Variants in RUNDC3B observed in about 807,000 individuals in gnomAD.
RUNDC3B encodes the protein RUN domain-containing protein 3B.
Under a neutral mutation model 58.4 loss-of-function variants are expected in RUNDC3B, and 33 were observed. That is an observed-to-expected ratio of 0.56 (90% confidence interval 0.43 to 0.75). RUNDC3B has a LOEUF of 0.75. Among genes scored for constraint, RUNDC3B ranks in the 30% least tolerant of loss-of-function variants. The probability of loss-of-function intolerance (pLI) is 0.00; values close to 1 mark genes in which losing one functional copy is unlikely to be tolerated. For synonymous variants in RUNDC3B, 193 were observed against 195.2 expected (o/e 0.99, Z 0.10); for missense variants, 501 against 535.7 (o/e 0.94, Z 0.64).
intron 4 of RUNDC3B, among the ~76,000 whole-genome samples, chr7:87,713,568 G>C (rs895004793): frequency 2.6e-5 from 4 of 151,600 alleles, no homozygotes; most frequent in Non-Finnish European, 5.9e-5. Context: ...CATGGCTTAG[G>C]GATTGGGGTA....
chr7:87,665,401 T>C (rs182443607), intron 2 of RUNDC3B, among the ~76,000 whole-genome samples: 34 of 152,236 alleles, frequency 2.2e-4, no homozygotes, highest in African/African-American at 7.9e-4. Context: ...CTCTGTACAC[T>C]GAAAGTTACT....
chr7:87,761,347 G>A (rs1833671301), intron 6 of RUNDC3B, among the ~76,000 whole-genome samples: 1 of 151,922 alleles, frequency 6.6e-6, no homozygotes, highest in African/African-American at 2.4e-5. Context: ...GTGAGGATGT[G>A]GAGAAGTTGC....
At chr7:87,732,452 A>G (rs1831640650) in intron 4 of RUNDC3B, among the ~76,000 whole-genome samples, 1 of 152,230 alleles carries the variant, frequency 6.6e-6, no homozygotes, top group Non-Finnish European at 1.5e-5. Flanking sequence ...CTTACCTTCA[A>G]GACTGAAGAC....
intron 6 of RUNDC3B, among the ~76,000 whole-genome samples, chr7:87,752,758 T>C (rs1207852289): frequency 6.6e-6 from 1 of 152,156 alleles, no homozygotes; most frequent in Non-Finnish European, 1.5e-5. Flanking sequence ...TATTTGATTC[T>C]TCTCTCTTTT....
chr7:87,713,658 A>C (rs1396099152), intron 4 of RUNDC3B, among the ~76,000 whole-genome samples: 2 of 151,934 alleles, frequency 1.3e-5, no homozygotes. Context: ...AAAAAAAAAA[A>C]AAAAAAGAGA....
intron 9 of RUNDC3B, among the ~76,000 whole-genome samples, chr7:87,809,125 A>G (rs2130937018): frequency 6.6e-6 from 1 of 152,306 alleles, no homozygotes; most frequent in African/African-American, 2.4e-5. Context: ...GCTGATTTTT[A>G]CAAAGTATTA....
At position 87,710,570 on chromosome 7, in the gene RUNDC3B, G is replaced by A; in HGVS notation, c.373G>A (p.Gly125Ser). 1.3e-6 allele frequency: 2 copies of A among 1,543,026 alleles called. No individual in the cohort carries two copies. Among genetic ancestry groups the A allele is most frequent in the Non-Finnish European group, 1.8e-6 (2 of 1,133,760 alleles). The part of the protein sequence containing the change: ...MENVSSSRAK[G>S]RAWIRVALME... ...TTTGATTCTTTCTTCTTCCTTTTAGGGTAGAGCCTGGATCAGAGTAGCACT... is the reference window on the plus strand; with the variant it reads ...TTTGATTCTTTCTTCTTCCTTTTAGAGTAGAGCCTGGATCAGAGTAGCACT... Residue 125 changes from glycine to serine, a missense_variant and splice_region_variant, in exon 4 of 11, where the codon GGT becomes AGT. Transcript: ENST00000394654.
At chr7:87,659,666 G>T (rs2130439976) in intron 2 of RUNDC3B, among the ~76,000 whole-genome samples, 1 of 151,980 alleles carries the variant, frequency 6.6e-6, no homozygotes, top group Admixed American at 6.6e-5. Flanking sequence ...TTGCTAATTT[G>T]TCTAGCACAC....
intron 4 of RUNDC3B, among the ~76,000 whole-genome samples, chr7:87,714,500 AAT>A (rs1187302559): frequency 6.6e-6 from 1 of 152,240 alleles, no homozygotes; most frequent in Non-Finnish European, 1.5e-5. Context: ...AAGAATTTAC[AAT>A]ATAGTGTGTG....
chr7:87,822,483 T>C (rs1334660952), intron 10 of RUNDC3B, among the ~76,000 whole-genome samples: 1 of 152,196 alleles, frequency 6.6e-6, no homozygotes, highest in Non-Finnish European at 1.5e-5. Context: ...AGTGTGGCTA[T>C]TCCTCAGGGA....
rs2130985143 is a variant in RUNDC3B, at chr7:87,830,183, G to A, written c.*153G>A. The A allele has an allele frequency of 2.5e-6, 1 of 400,434 alleles. No homozygotes were observed. Among genetic ancestry groups the A allele is most frequent in the East Asian group, 3.7e-5 (1 of 27,392 alleles). The allele number at this position is 400,434 out of a possible 1,614,324, so 24.8% of individuals were successfully genotyped here. ...ATCCCCTCCAGATAAGAGATTTTGA[G>A]TGAAAAACATAATGATCCTGCCATT... On this transcript the variant is annotated 3_prime_UTR_variant, in exon 11 of 11. Transcript: ENST00000394654.
intron 3 of RUNDC3B, among the ~76,000 whole-genome samples, chr7:87,703,885 C>CTTTT: frequency 1.7e-4 from 10 of 60,292 alleles, no homozygotes; most frequent in Non-Finnish European, 2.5e-4. Context: ...TCAGTTTTTT[C>CTTTT]TTTTTTTTTT....
At position 87,708,978 on chromosome 7, in the gene RUNDC3B, A is replaced by T. The variant is rs546222944; in HGVS notation, c.373-1592A>T. 2.0e-5 allele frequency among the ~76,000 whole-genome samples: 3 copies of T among 152,302 alleles called. No homozygotes were observed. The East Asian group carries it at 5.8e-4, about 29-fold the overall frequency. ...TGGATCACCCTTATCAACTGAAAAC[A>T]TCTAAATTCCTTAATCTAGTTTTTA... On this transcript the variant is annotated intron_variant, in intron 3 of 10. Coordinates refer to ENST00000394654, the MANE Select transcript of RUNDC3B (RefSeq NM_001134405.2).
At chr7:87,639,969 A>G (rs1405482736) in intron 1 of RUNDC3B, among the ~76,000 whole-genome samples, 1 of 151,180 alleles carries the variant, frequency 6.6e-6, no homozygotes, top group Non-Finnish European at 1.5e-5. Flanking sequence ...TTAAATATTA[A>G]TATTTTTATA....
intron 2 of RUNDC3B, among the ~76,000 whole-genome samples, chr7:87,673,733 T>C (rs1258901573): frequency 2.0e-5 from 3 of 152,220 alleles, no homozygotes; most frequent in Admixed American, 2.0e-4. Context: ...TCAGCATGGT[T>C]AAGAACCATT....
At chr7:87,784,845 A>G (rs1835122184) in intron 8 of RUNDC3B, among the ~76,000 whole-genome samples, 1 of 151,770 alleles carries the variant, frequency 6.6e-6, no homozygotes. Context: ...TGTCCTGCCT[A>G]TGTTTCCTTA....
intron 2 of RUNDC3B, among the ~76,000 whole-genome samples, chr7:87,675,376 T>C (rs1826222390): frequency 6.6e-6 from 1 of 151,914 alleles, no homozygotes; most frequent in Non-Finnish European, 1.5e-5. Flanking sequence ...ATATCAAACC[T>C]CCAGTCTTGA....
chr7:87,628,588 TGTGTGTGTGTGTGTGTGTGTG>T lies in RUNDC3B; in HGVS notation c.-235_-215del. On this transcript the variant is annotated 5_prime_UTR_variant, in exon 1 of 11. Transcript: ENST00000394654. Reference sequence around the variant, plus strand: ...GGCGGAGGTGGTGCGTGCGTGCGTGTGTGTGTGTGTGTGTGTGTGTGTGTGTGTGTGTGTGTGGAGCTCGGG... The same window carrying T: ...GGCGGAGGTGGTGCGTGCGTGCGTGTTGTGTGTGTGTGTGTGGAGCTCGGG... The T allele has an allele frequency of 1.3e-4, 4 of 29,724 alleles. No individual in the cohort carries two copies. The Admixed American group carries it at 1.9e-3, about 14-fold the overall frequency. 1.8% of individuals were successfully genotyped at this position (29,724 alleles called of 1,614,324 possible).
At chr7:87,654,098 G>T (rs1309707331) in intron 2 of RUNDC3B, among the ~76,000 whole-genome samples, 1 of 151,968 alleles carries the variant, frequency 6.6e-6, no homozygotes, top group Non-Finnish European at 1.5e-5. Flanking sequence ...TAAGTGGAAA[G>T]ATATATGTGT....
Sources: gnomAD v4.1 joint callset for allele counts (sites outside exome capture counted in the v4.1 genomes callset) on GRCh38, gnomAD v4.1.1 for gene constraint, MANE v1.5 for transcripts, NCBI Gene and HGNC (gene_info 2026-07-23, HGNC 2026-07-21) for gene names.